Variants in BANK1 observed in about 807,000 individuals in gnomAD.
BANK1 encodes B-cell scaffold protein with ankyrin repeats.
Under a neutral mutation model 94.5 loss-of-function variants are expected in BANK1, and 95 were observed. The observed-to-expected ratio is 1.00, with a 90% confidence interval of 0.85 to 1.19. The LOEUF (loss-of-function observed/expected upper bound fraction) is 1.19, where lower values mean the gene tolerates loss of function less well. Among genes scored for constraint, BANK1 ranks in the 50% most tolerant of loss-of-function variants. BANK1 has a pLI of 0.00. For synonymous variants in BANK1, 334 were observed against 308.4 expected (o/e 1.08, Z -0.87); for missense variants, 987 against 932.2 (o/e 1.06, Z -0.77).
At chr4:101,919,439 A>G (rs1459525135) in intron 7 of BANK1, among the ~76,000 whole-genome samples, 3 of 152,014 alleles carry the variant, frequency 2.0e-5, no homozygotes, top group Non-Finnish European at 4.4e-5. Flanking sequence ...AAAATAATAC[A>G]TAATGATGAC....
intron 7 of BANK1, among the ~76,000 whole-genome samples, chr4:102,000,508 A>G (rs1437802309): frequency 6.6e-6 from 1 of 152,146 alleles, no homozygotes; most frequent in African/African-American, 2.4e-5. Flanking sequence ...AAATGGAAAG[A>G]TCTTCAGTAA....
At chr4:101,895,863 G>C (rs1444511698) in intron 6 of BANK1, among the ~76,000 whole-genome samples, 1 of 151,758 alleles carries the variant, frequency 6.6e-6, no homozygotes, top group East Asian at 1.9e-4. Flanking sequence ...ATACTTAAGT[G>C]AATAAAAAGC....
intron 1 of BANK1, among the ~76,000 whole-genome samples, chr4:101,806,073 T>C (rs139347114): frequency 9.9e-5 from 15 of 152,076 alleles, no homozygotes; most frequent in Admixed American, 5.2e-4. Context: ...AGAATATTAA[T>C]ATATTTTCTT....
chr4:102,064,597 A>T (rs1210319377), intron 13 of BANK1, among the ~76,000 whole-genome samples: 1 of 152,252 alleles, frequency 6.6e-6, no homozygotes, highest in African/African-American at 2.4e-5. Context: ...GCTCTTAATT[A>T]TCAGTGCCTT....
intron 2 of BANK1, among the ~76,000 whole-genome samples, chr4:101,836,319 A>C (rs1726825354): frequency 6.6e-6 from 1 of 152,114 alleles, no homozygotes; most frequent in South Asian, 2.1e-4. Flanking sequence ...GTCTCTACTG[A>C]AAATACAAAA....
intron 5 of BANK1, among the ~76,000 whole-genome samples, chr4:101,887,698 T>G (rs1311567460): frequency 1.3e-5 from 2 of 152,174 alleles, no homozygotes; most frequent in African/African-American, 2.4e-5. Flanking sequence ...TTTAAAGAGA[T>G]TCTACAACTA....
In BANK1 at chr4:101,986,899, GTA is replaced by G. The variant is rs1166018412; in HGVS notation, c.1207-34584_1207-34583del. On this transcript the variant is annotated intron_variant, in intron 7 of 16. Transcript: ENST00000322953. ...TGTGTGTGTGTGTGTGTGTGTGTGT[GTA>G]TATATATATATATATATATATATAT... Among the ~76,000 whole-genome samples the G allele has an allele frequency of 8.3e-3, 684 of 82,328 alleles. 28 individuals carry two copies. Among genetic ancestry groups the G allele is most frequent in the East Asian group, 0.025 (66 of 2,612 alleles). 54.0% of individuals were successfully genotyped at this position (82,328 alleles called of 152,430 possible). A position where few individuals can be genotyped will look rare whatever the true frequency, so the allele number is the denominator to read the frequency against.
chr4:101,803,064 C>G (rs1366735862), intron 1 of BANK1, among the ~76,000 whole-genome samples: 3 of 152,208 alleles, frequency 2.0e-5, no homozygotes, highest in African/African-American at 7.2e-5. Flanking sequence ...TCAATTTCCT[C>G]TAAGACATTG....
chr4:101,914,085 T>C (rs1722752515), intron 6 of BANK1, among the ~76,000 whole-genome samples: 1 of 152,208 alleles, frequency 6.6e-6, no homozygotes, highest in Admixed American at 6.5e-5. Flanking sequence ...ACTATTCATC[T>C]TTATCCCAAG....
At chr4:102,073,237 G>GTATA (rs35992866) in intron 15 of BANK1, among the ~76,000 whole-genome samples, 4 of 148,020 alleles carry the variant, frequency 2.7e-5, no homozygotes, top group African/African-American at 4.9e-5. Context: ...GTGCATATAT[G>GTATA]TATATATATA....
Position 101,866,652 on chromosome 4 carries a change from A to G in BANK1, c.764-3853A>G, listed in dbSNP as rs540037638. 1.4e-4 allele frequency among the ~76,000 whole-genome samples: 7 copies of G among 49,634 alleles called. 1 individual carries two copies. The South Asian group carries it at 3.3e-3, about 23-fold the overall frequency. The allele number at this position is 49,634 out of a possible 152,430, so 32.6% of individuals were successfully genotyped here. A position where few individuals can be genotyped will look rare whatever the true frequency, so the allele number is the denominator to read the frequency against. On this transcript the variant is annotated intron_variant, in intron 4 of 16. Coordinates refer to ENST00000322953, the MANE Select transcript of BANK1 (RefSeq NM_017935.5). ...TATAGGAATACCATTTGACCCAGCC[A>G]TCCCATTACTGGGTATATACCCAAA...
chr4:101,926,777 T>A (rs1723166682), intron 7 of BANK1, among the ~76,000 whole-genome samples: 1 of 151,710 alleles, frequency 6.6e-6, no homozygotes, highest in Non-Finnish European at 1.5e-5. Flanking sequence ...TTGGTAACTG[T>A]CTAAAACTAT....
At chr4:102,046,805 A>T (rs1727893532) in intron 11 of BANK1, among the ~76,000 whole-genome samples, 1 of 152,180 alleles carries the variant, frequency 6.6e-6, no homozygotes. Context: ...AGACTGTAGC[A>T]GATCATGTAT....
chr4:102,005,807 A>G (rs1726242081), intron 7 of BANK1, among the ~76,000 whole-genome samples: 1 of 151,964 alleles, frequency 6.6e-6, no homozygotes, highest in Non-Finnish European at 1.5e-5. Flanking sequence ...AAACTGAGGG[A>G]CAGATAATTT....
chr4:101,936,330 CATAT>C lies in BANK1; in HGVS notation c.1206+18146_1206+18149del, dbSNP rs768523179. 2.9e-5 allele frequency among the ~76,000 whole-genome samples: 4 copies of C among 137,358 alleles called. No individual in the cohort carries two copies. The East Asian group carries it at 7.8e-4, about 27-fold the overall frequency. 90.1% of individuals were successfully genotyped at this position (137,358 alleles called of 152,430 possible). A position where few individuals can be genotyped will look rare whatever the true frequency, so the allele number is the denominator to read the frequency against. ...GCATATGTACACATATGTATCCATA[CATAT>C]ATATGTACATATACATGTATACATA... is the stretch of plus-strand genomic sequence containing the variant. On this transcript the variant is annotated intron_variant, in intron 7 of 16. Transcript: ENST00000322953.
At chr4:101,991,797 ATGTTTGTGTT>A (rs889418865) in intron 7 of BANK1, among the ~76,000 whole-genome samples, 2 of 152,236 alleles carry the variant, frequency 1.3e-5, no homozygotes, top group African/African-American at 4.8e-5. Flanking sequence ...GTCTATGTGT[ATGTTTGTGTT>A]TGTACACATA....
intron 11 of BANK1, among the ~76,000 whole-genome samples, chr4:102,050,615 G>A (rs913440565): frequency 6.6e-6 from 1 of 152,074 alleles, no homozygotes; most frequent in Admixed American, 6.6e-5. Flanking sequence ...ACTTTTGCCA[G>A]CATTTAAGAC....
chr4:101,983,152 A>G (rs1725376156), intron 7 of BANK1, among the ~76,000 whole-genome samples: 1 of 152,106 alleles, frequency 6.6e-6, no homozygotes, highest in African/African-American at 2.4e-5. Flanking sequence ...ATTTATCTTT[A>G]AAATTTTCTG....
rs547537522 is a variant in BANK1 at position 101,810,260 on chromosome 4, C to A, written c.70+19310C>A. 9.2e-5 allele frequency among the ~76,000 whole-genome samples: 14 copies of A among 152,324 alleles called. No homozygotes were observed. In the South Asian group the frequency reaches 2.9e-3, roughly 32 times the overall value. ...ATTATTGTCAAGTTGAGACCCATTT[C>A]AAACTCCTAACTTTCAGAACTGTAA... On this transcript the variant is annotated intron_variant, in intron 1 of 16. Coordinates refer to ENST00000322953, the MANE Select transcript of BANK1 (RefSeq NM_017935.5).
Sources: gnomAD v4.1 joint callset for allele counts (sites outside exome capture counted in the v4.1 genomes callset) on GRCh38, gnomAD v4.1.1 for gene constraint, MANE v1.5 for transcripts, NCBI Gene and HGNC (gene_info 2026-07-23, HGNC 2026-07-21) for gene names.